Variants in CASR observed in about 807,000 individuals in gnomAD.
CASR encodes the protein calcium sensing receptor, also known as extracellular calcium-sensing receptor.
In CASR, 23 loss-of-function variants were observed where a neutral mutation model predicts 69.1. That is an observed-to-expected ratio of 0.33 (90% CI 0.24 to 0.47). The LOEUF is 0.47. CASR is among the 20% of genes least tolerant of loss of function. The pLI is 1.00. For synonymous variants in CASR, 541 were observed against 544.7 expected (o/e 0.99, Z 0.10); for missense variants, 924 against 1,356.1 (o/e 0.68, Z 5.00).
At chr3:122,231,471 A>G (rs1041798403) in intron 1 of CASR, among the ~76,000 whole-genome samples, 1 of 152,244 alleles carries the variant, frequency 6.6e-6, no homozygotes, top group African/African-American at 2.4e-5. Context: ...TCTTACAAGT[A>G]TTGTTTTAAT....
In CASR at chr3:122,287,046, C is replaced by T. The variant is rs1296787122; in HGVS notation, c.*1855C>T. The T allele has an allele frequency of 1.3e-5, 2 of 152,222 alleles. No homozygotes were observed. Among genetic ancestry groups the T allele is most frequent in the Admixed American group, 6.5e-5 (1 of 15,272 alleles). The allele number at this position is 152,222 out of a possible 1,614,324, so 9.4% of individuals were successfully genotyped here. On this transcript the variant is annotated 3_prime_UTR_variant, in exon 7 of 7. Coordinates refer to ENST00000639785, the MANE Select transcript of CASR (RefSeq NM_000388.4). ...CTCCCCACCTAGGAAGGGCACCGGC[C>T]CCCACCCAGCCTGCGCCCCCCTGCA...
chr3:122,248,102 C>T (rs552524733), intron 1 of CASR, among the ~76,000 whole-genome samples: 40 of 152,320 alleles, frequency 2.6e-4, no homozygotes, highest in African/African-American at 9.1e-4. Flanking sequence ...TTGCGGGAGG[C>T]AGCCAAGGGT....
chr3:122,200,336 A>G (rs1056338562), intron 1 of CASR, among the ~76,000 whole-genome samples: 1 of 152,224 alleles, frequency 6.6e-6, no homozygotes. Flanking sequence ...GTACCCCATA[A>G]AATGTATAAT....
chr3:122,244,890 T>G (rs917864350), intron 1 of CASR, among the ~76,000 whole-genome samples: 1 of 152,214 alleles, frequency 6.6e-6, no homozygotes, highest in African/African-American at 2.4e-5. Flanking sequence ...ACAGTATGAA[T>G]AGGTGGTAAA....
intron 1 of CASR, among the ~76,000 whole-genome samples, chr3:122,238,031 C>A (rs530725831): frequency 5.9e-5 from 9 of 152,178 alleles, no homozygotes; most frequent in Non-Finnish European, 1.3e-4. Context: ...ATGGCTCCCC[C>A]CTGCAGGAAC....
At position 122,257,147 on chromosome 3, in the gene CASR, C is replaced by T; in HGVS notation, c.252C>T (p.Ser84=). ...TTGCCATAGAGGAGATAAACAGCAG[C>T]CCAGCCCTTCTTCCCAACTTGACGC... ...MIFAIEEINS[S]PALLPNLTLG... is the part of the protein sequence containing the mutation. The change falls in exon 3 of 7, where the codon AGC becomes AGT. Residue 84 remains serine (S), a synonymous_variant. Coordinates refer to ENST00000639785, the MANE Select transcript of CASR (RefSeq NM_000388.4). The T allele has an allele frequency of 6.2e-7, 1 of 1,614,094 alleles. No individual in the cohort carries two copies. Among genetic ancestry groups the T allele is most frequent in the Non-Finnish European group, 8.5e-7 (1 of 1,179,926 alleles).
intron 1 of CASR, among the ~76,000 whole-genome samples, chr3:122,219,790 G>A (rs1397735455): frequency 6.6e-6 from 1 of 152,190 alleles, no homozygotes; most frequent in Admixed American, 6.5e-5. Flanking sequence ...ACCAAGCAGT[G>A]CAATCTCAGT....
At chr3:122,238,236 CTG>C (rs1196791019) in intron 1 of CASR, among the ~76,000 whole-genome samples, 3 of 152,184 alleles carry the variant, frequency 2.0e-5, no homozygotes, top group African/African-American at 7.2e-5. Flanking sequence ...AAGAGAAAAT[CTG>C]TGCATTTTGG....
At chr3:122,230,161 G>A (rs1576836001) in intron 1 of CASR, among the ~76,000 whole-genome samples, 1 of 152,206 alleles carries the variant, frequency 6.6e-6, no homozygotes. Flanking sequence ...ATAACCCCTG[G>A]TAGAGTCTGG....
At chr3:122,184,680 G>A (rs1031850775) in intron 1 of CASR, among the ~76,000 whole-genome samples, 1 of 152,248 alleles carries the variant, frequency 6.6e-6, no homozygotes, top group Admixed American at 6.5e-5. Context: ...GAACGTGGGG[G>A]AAAGTAGGGA....
rs1391415650 is a variant in CASR, at chr3:122,289,307, T to C, written c.*4116T>C. The C allele has an allele frequency of 6.6e-6, 1 of 151,830 alleles. No individual in the cohort carries two copies. Among genetic ancestry groups the C allele is most frequent in the Non-Finnish European group, 1.5e-5 (1 of 67,990 alleles). The allele number at this position is 151,830 out of a possible 1,614,324, so 9.4% of individuals were successfully genotyped here. On this transcript the variant is annotated 3_prime_UTR_variant, in exon 7 of 7. Coordinates refer to ENST00000639785, the MANE Select transcript of CASR (RefSeq NM_000388.4). The stretch of plus-strand genomic sequence containing the variant: ...CTCCCAAAGGTGGGTGGAATTAGGG[T>C]AGGTGGGAGGAAGTTGCCACAGTGA...
chr3:122,262,657 T>C (rs984037784), intron 4 of CASR, among the ~76,000 whole-genome samples: 1 of 152,232 alleles, frequency 6.6e-6, no homozygotes, highest in Non-Finnish European at 1.5e-5. Flanking sequence ...TCAGAATAAC[T>C]GAAGTATGGT....
At chr3:122,233,041 G>A (rs564739580) in intron 1 of CASR, among the ~76,000 whole-genome samples, 3 of 152,222 alleles carry the variant, frequency 2.0e-5, no homozygotes, top group South Asian at 2.1e-4. Flanking sequence ...ATTCTGGCTC[G>A]GAGGAGTGAC....
At chr3:122,258,345 G>T (rs921768990) in intron 3 of CASR, among the ~76,000 whole-genome samples, 21 of 140,268 alleles carry the variant, frequency 1.5e-4, no homozygotes, top group African/African-American at 3.9e-4. Context: ...ACATTTCTAT[G>T]TTGGGAGGGC....
chr3:122,250,058 G>T (rs34689923), intron 1 of CASR, among the ~76,000 whole-genome samples: 25,393 of 152,048 alleles, frequency 0.17, 2,174 homozygotes, highest in Non-Finnish European at 0.18. Context: ...GGGCAACCAG[G>T]AGTCAAGTAC....
intron 1 of CASR, among the ~76,000 whole-genome samples, chr3:122,184,764 G>T (rs1284128759): frequency 2.6e-5 from 4 of 152,206 alleles, no homozygotes; most frequent in African/African-American, 9.6e-5. Context: ...GCAGCGGGTC[G>T]CCCACGCGAA....
chr3:122,186,238 G>A (rs1296015022), intron 1 of CASR, among the ~76,000 whole-genome samples: 3 of 152,032 alleles, frequency 2.0e-5, no homozygotes, highest in African/African-American at 7.3e-5. Flanking sequence ...TTTTCATATT[G>A]CATAACCTTG....
At chr3:122,240,299 T>C (rs1247331032) in intron 1 of CASR, among the ~76,000 whole-genome samples, 1 of 152,218 alleles carries the variant, frequency 6.6e-6, no homozygotes, top group Non-Finnish European at 1.5e-5. Flanking sequence ...ACATTTCACC[T>C]ATAAAGGTAC....
chr3:122,255,518 TCACATAA>T (rs1472572969), intron 2 of CASR, among the ~76,000 whole-genome samples: 1 of 152,224 alleles, frequency 6.6e-6, no homozygotes, highest in East Asian at 1.9e-4. Context: ...ATGATATCCT[TCACATAA>T]CCCATGTGGA....
Sources: allele counts gnomAD v4.1 joint callset (sites outside exome capture counted in the v4.1 genomes callset), GRCh38; gene constraint gnomAD v4.1.1; transcripts MANE v1.5; gene names NCBI Gene and HGNC (gene_info 2026-07-23, HGNC 2026-07-21).